The following NTRK1 variants were observed in gnomAD, a reference collection of about 807,000 sequenced individuals.
NTRK1 encodes high affinity nerve growth factor receptor.
Under a neutral mutation model 86.8 loss-of-function variants are expected in NTRK1, and 62 were observed. The ratio of observed to expected loss-of-function variants is 0.71; its 90% CI spans 0.58 to 0.88. The LOEUF (loss-of-function observed/expected upper bound fraction) is 0.88, where lower values mean the gene tolerates loss of function less well. Ranked by LOEUF, NTRK1 falls within the 40% of genes least tolerant of loss-of-function variation. The pLI is 0.00. For missense variants in NTRK1, 967 were observed against 1,078.4 expected, an observed-to-expected ratio of 0.90 and a Z score of 1.45; for synonymous variants, 469 against 456.6, an observed-to-expected ratio of 1.03 and a Z score of -0.35.
At chr1:156,820,136 G>T (rs1654143948) in intron 1 of NTRK1, among the ~76,000 whole-genome samples, 1 of 152,146 alleles carries the variant, frequency 6.6e-6, no homozygotes, top group Non-Finnish European at 1.5e-5. Flanking sequence ...AATACATCTT[G>T]AGTTGATTTT....
intron 1 of NTRK1, among the ~76,000 whole-genome samples, chr1:156,818,289 C>A (rs911330540): frequency 6.6e-6 from 1 of 152,108 alleles, no homozygotes; most frequent in Admixed American, 6.6e-5. Context: ...CCAAGACTTA[C>A]TGTTTTTTAA....
chr1:156,868,419 TG>T (rs1647304546), intron 5 of NTRK1, 85 bp from the exon 6 acceptor site: 1 of 1,541,974 alleles, frequency 6.5e-7, no homozygotes. Flanking sequence ...TTGAGGAGGG[TG>T]GGGGAAGGAG....
At chr1:156,872,795 C>G (rs1255114874) in intron 7 of NTRK1, among the ~76,000 whole-genome samples, 4 of 151,842 alleles carry the variant, frequency 2.6e-5, no homozygotes, top group South Asian at 2.1e-4. Context: ...CCTGCTTCAG[C>G]CTCCTGAGTA....
At chr1:156,867,992 T>C in intron 4 of NTRK1, 112 bp from the exon 5 acceptor site, 1 of 1,188,352 alleles carries the variant, frequency 8.4e-7, no homozygotes, top group South Asian at 1.2e-5. Flanking sequence ...GACCTCTGTG[T>C]CCTCCCTTTC....
rs774518493 is a variant in NTRK1 at position 156,854,142 on chromosome 1, G to T, written c.51-10212G>T. 46 of 1,614,048 alleles carry T rather than the reference G, an allele frequency of 2.8e-5. No individual in the cohort carries two copies. The highest frequency in any genetic ancestry group is 1.6e-4 in the Middle Eastern group (1 of 6,084). On this transcript the variant is annotated intron_variant, in intron 2 of 16. Coordinates refer to the NTRK1 transcript ENST00000392302. The surrounding 1 kb of genome is among the most constrained non-coding windows in gnomAD (Gnocchi z 4.2). ...AGTCCGTAGACACGGAAGAGCAGCA[G>T]GTAGTCGGTGACCTGGGTGAGGCGA...
Position 156,875,089 on chromosome 1 carries a change from T to G in NTRK1, c.1354+81T>G, listed in dbSNP as rs1647818971. 3 of 1,043,552 alleles carry G rather than the reference T, an allele frequency of 2.9e-6. No homozygotes were observed. In the East Asian group the frequency reaches 7.1e-5, roughly 25 times the overall value. 64.6% of individuals were successfully genotyped at this position (1,043,552 alleles called of 1,614,324 possible). On this transcript the variant is annotated intron_variant, in intron 11 of 16. Transcript: ENST00000524377. ...TACTGGCTCTTCCTGACTCTGTCTC[T>G]GGGGGGCTGTGCACATGGGAGTTCC...
intron 2 of NTRK1, chr1:156,845,039 G>A (rs1326439274): frequency 6.3e-7 from 1 of 1,575,586 alleles, no homozygotes; most frequent in Non-Finnish European, 8.6e-7. Flanking sequence ...CTTGGGGTCG[G>A]TGATGGGGGT....
rs1647884445 is a variant in NTRK1 at position 156,876,066 on chromosome 1, G to A, written c.1502-14G>A. The A allele has an allele frequency of 1.2e-6, 2 of 1,614,154 alleles. No homozygotes were observed. Among genetic ancestry groups the A allele is most frequent in the Non-Finnish European group, 1.7e-6 (2 of 1,180,024 alleles). ...AAGACTGGGGCTACCGTCTGACCCT[G>A]CAAGCCCCCTCAGGTGTTCACCACA... On this transcript the variant is annotated splice_polypyrimidine_tract_variant and intron_variant, in intron 12 of 16. Coordinates refer to ENST00000524377, the MANE Select transcript of NTRK1 (RefSeq NM_002529.4).
intron 2 of NTRK1, chr1:156,852,343 C>T: frequency 1.3e-6 from 1 of 766,916 alleles, no homozygotes; most frequent in Non-Finnish European, 2.1e-6. Flanking sequence ...GACTCTGTTC[C>T]CCTCCGATGG....
At chr1:156,825,429 G>A (rs1356723923) in intron 1 of NTRK1, among the ~76,000 whole-genome samples, 3 of 152,324 alleles carry the variant, frequency 2.0e-5, no homozygotes, top group East Asian at 1.9e-4. Context: ...AAGGGAATCC[G>A]AGGAGATCTG....
chr1:156,856,530 C>G (rs947227363), upstream of NTRK1, among the ~76,000 whole-genome samples: 9 of 152,190 alleles, frequency 5.9e-5, no homozygotes, highest in Non-Finnish European at 1.3e-4. Flanking sequence ...GTCCTTCAGC[C>G]TCTCGGGTCA....
At chr1:156,851,253 T>A in intron 2 of NTRK1, 1 of 1,611,010 alleles carries the variant, frequency 6.2e-7, no homozygotes, top group Non-Finnish European at 8.5e-7. Context: ...GAGGAAGGAG[T>A]GTAATAGAAG....
At chr1:156,880,377 T>C (rs1014917450) in intron 16 of NTRK1, 7 of 603,746 alleles carry the variant, frequency 1.2e-5, no homozygotes, top group African/African-American at 3.7e-5. Context: ...CCAGGCCCAG[T>C]TGGCCCCTGG....
intron 16 of NTRK1, among the ~76,000 whole-genome samples, chr1:156,880,968 A>C (rs1648224911): frequency 6.6e-6 from 1 of 152,198 alleles, no homozygotes; most frequent in Non-Finnish European, 1.5e-5. Context: ...TCAGTCCCAC[A>C]GAGTGGTATC....
intron 2 of NTRK1, chr1:156,846,397 G>A: frequency 1.2e-6 from 1 of 842,398 alleles, no homozygotes; most frequent in Non-Finnish European, 1.9e-6. Context: ...TCAAGCATCT[G>A]GCCTTCCAGC....
intron 2 of NTRK1, chr1:156,844,599 C>CG: frequency 1.2e-6 from 2 of 1,614,140 alleles, no homozygotes; most frequent in Non-Finnish European, 1.7e-6. Context: ...ATATCGAAGA[C>CG]GGGACACACA....
rs1654897088 is a variant in NTRK1, at chr1:156,844,105, C to G, written c.50+1912C>G. Reference sequence around the variant, plus strand: ...TGTCTTTCTACTGTCTCATCTACCTCCCTTTGACAGACTTTATGATGAGGG... The same window carrying G: ...TGTCTTTCTACTGTCTCATCTACCTGCCTTTGACAGACTTTATGATGAGGG... On this transcript the variant is annotated intron_variant, in intron 2 of 16. Transcript: ENST00000392302. The G allele has an allele frequency of 3.5e-6, 4 of 1,133,886 alleles. No individual in the cohort carries two copies. The East Asian group carries it at 9.4e-5, about 27-fold the overall frequency. 70.2% of individuals were successfully genotyped at this position (1,133,886 alleles called of 1,614,324 possible).
At chr1:156,881,386 C>T in intron 16 of NTRK1, 71 bp from the exon 17 acceptor site, 3 of 1,477,782 alleles carry the variant, frequency 2.0e-6, no homozygotes, top group Middle Eastern at 1.8e-4. Flanking sequence ...TCAGTGAGGG[C>T]ACTGGGACTG....
At chr1:156,840,987 G>T in intron 1 of NTRK1, 2 of 1,613,500 alleles carry the variant, frequency 1.2e-6, no homozygotes, top group South Asian at 1.1e-5. Flanking sequence ...CCGGGCTGTA[G>T]TAGAAGGAGA....
Sources: allele counts gnomAD v4.1 joint callset (sites outside exome capture counted in the v4.1 genomes callset), GRCh38; gene constraint gnomAD v4.1.1; non-coding constraint Gnocchi (gnomAD v3.1); transcripts MANE v1.5; gene names NCBI Gene and HGNC (gene_info 2026-07-23, HGNC 2026-07-21).